The following CEP128 variants were observed in gnomAD, a reference collection of about 807,000 sequenced individuals.
CEP128 encodes the protein centrosomal protein 128kDa.
A neutral mutation model predicts 156.7 loss-of-function variants in CEP128; 132 were observed. The ratio of observed to expected loss-of-function variants is 0.84; its 90% CI spans 0.73 to 0.97. The LOEUF (loss-of-function observed/expected upper bound fraction) is 0.97. Among genes scored for constraint, CEP128 ranks in the 50% least tolerant of loss-of-function variants. CEP128 has a pLI of 0.00. For synonymous variants in CEP128, 469 were observed against 448.9 expected, an observed-to-expected ratio of 1.04 and a Z score of -0.57; for missense variants, 1,252 against 1,281.9, an observed-to-expected ratio of 0.98 and a Z score of 0.36.
rs568068066 is a variant in CEP128, at chr14:80,946,860, G to A, written c.-171-7320C>T. ...AATTGCAATCCCTAATGTTGGGGGT[G>A]GGACGTGGTGGGAGGTGATTGGATC... On this transcript the variant is annotated intron_variant, in intron 2 of 7. Transcript: ENST00000555529. 2.6e-4 allele frequency among the ~76,000 whole-genome samples: 40 copies of A among 152,318 alleles called. 1 individual carries two copies. Among genetic ancestry groups the A allele is most frequent in the Admixed American group, 2.1e-3 (32 of 15,300 alleles).
At chr14:80,912,699 A>C (rs1884316404) in intron 4 of CEP128, among the ~76,000 whole-genome samples, 1 of 152,118 alleles carries the variant, frequency 6.6e-6, no homozygotes, top group African/African-American at 2.4e-5. Context: ...ATGAGAGAAG[A>C]TATGTTTCCC....
chr14:80,875,418 GTCA>G (rs944679441), intron 8 of CEP128, among the ~76,000 whole-genome samples: 3 of 152,206 alleles, frequency 2.0e-5, no homozygotes, highest in Admixed American at 6.5e-5. Flanking sequence ...TACGCTTTCT[GTCA>G]TCAAACAAAA....
chr14:80,503,212 A>G (rs1471833835), intron 24 of CEP128, among the ~76,000 whole-genome samples: 1 of 152,186 alleles, frequency 6.6e-6, no homozygotes, highest in African/African-American at 2.4e-5. Flanking sequence ...GTTAGATTTT[A>G]CAATGTAAAC....
chr14:80,790,683 A>T (rs1452513118), intron 14 of CEP128, among the ~76,000 whole-genome samples: 1 of 152,164 alleles, frequency 6.6e-6, no homozygotes, highest in Non-Finnish European at 1.5e-5. Context: ...AAGATTCCAG[A>T]AATGTAAAAA....
chr14:80,815,846 G>A (rs531487567), intron 13 of CEP128, among the ~76,000 whole-genome samples: 12 of 152,276 alleles, frequency 7.9e-5, no homozygotes, highest in Admixed American at 2.6e-4. Flanking sequence ...CAAATACTGC[G>A]TGTTCTCATT....
intron 19 of CEP128, among the ~76,000 whole-genome samples, chr14:80,604,211 C>T (rs1892691503): frequency 6.6e-6 from 1 of 152,116 alleles, no homozygotes; most frequent in Non-Finnish European, 1.5e-5. Flanking sequence ...TGTTCAAAGA[C>T]ATCCTCTGAC....
intron 19 of CEP128, among the ~76,000 whole-genome samples, chr14:80,619,437 T>C (rs559235294): frequency 1.3e-5 from 2 of 149,034 alleles, no homozygotes; most frequent in South Asian, 4.3e-4. Flanking sequence ...TGGTGGCTGA[T>C]GTCTGTAATC....
chr14:80,811,818 T>TTTAGATAGATAGATAGA (rs146742493), intron 13 of CEP128, among the ~76,000 whole-genome samples: 142 of 149,632 alleles, frequency 9.5e-4, no homozygotes, highest in South Asian at 1.9e-3. Context: ...CACGCATGTA[T>TTTAGATAGATAGATAGA]TAGATAGATA....
chr14:80,545,118 G>T (rs996728202), intron 21 of CEP128, among the ~76,000 whole-genome samples: 1 of 152,138 alleles, frequency 6.6e-6, no homozygotes, highest in Admixed American at 6.5e-5. Context: ...TCTCCTCCCT[G>T]TGAGCCTACT....
At chr14:80,931,460 C>T (rs1319874047) in intron 2 of CEP128, among the ~76,000 whole-genome samples, 2 of 152,192 alleles carry the variant, frequency 1.3e-5, no homozygotes, top group Admixed American at 6.5e-5. Flanking sequence ...TCTTGCAGCT[C>T]TGTGAGGAGA....
chr14:80,921,565 T>C (rs1488859283), intron 2 of CEP128, among the ~76,000 whole-genome samples: 4 of 152,068 alleles, frequency 2.6e-5, no homozygotes, highest in Admixed American at 2.6e-4. Flanking sequence ...AGACAACCAA[T>C]ATATAAATTT....
At chr14:80,941,213 G>T (rs939092941) in intron 1 of CEP128, among the ~76,000 whole-genome samples, 1 of 152,178 alleles carries the variant, frequency 6.6e-6, no homozygotes, top group Non-Finnish European at 1.5e-5. Context: ...TGCAGGACAG[G>T]CAAGCAAATG....
intron 23 of CEP128, among the ~76,000 whole-genome samples, chr14:80,518,069 G>C (rs7160179): frequency 0.69 from 103,243 of 149,658 alleles, 40,525 homozygotes; most frequent in East Asian, 0.86. Flanking sequence ...AGATTCAATA[G>C]AGTGAAAACA....
At position 80,862,766 on chromosome 14, in the gene CEP128, CTGCA is replaced by C; in HGVS notation, c.749_752del (p.Leu250ArgfsTer6). ...AGTGTTTTTCACAAACCTCCTGTAGCTGCAGGGACATGAGTCCCAGTTGATCCTG... is the reference window on the plus strand; with the variant it reads ...AGTGTTTTTCACAAACCTCCTGTAGCGGGACATGAGTCCCAGTTGATCCTG... On this transcript the variant is annotated frameshift_variant, in exon 9 of 25. Transcript: ENST00000555265. LOFTEE classifies it high-confidence loss of function. The C allele has an allele frequency of 6.2e-7, 1 of 1,605,504 alleles. No individual in the cohort carries two copies. The highest frequency in any genetic ancestry group is 8.5e-7 in the Non-Finnish European group (1 of 1,172,260).
intron 12 of CEP128, among the ~76,000 whole-genome samples, chr14:80,835,034 C>A (rs1393095621): frequency 2.0e-5 from 3 of 152,106 alleles, no homozygotes; most frequent in Admixed American, 2.0e-4. Context: ...GGAGTGAGTT[C>A]TTGCTCTCCT....
intron 14 of CEP128, 123 bp from the exon 15 acceptor site, chr14:80,785,668 T>C: frequency 8.5e-6 from 6 of 702,788 alleles, no homozygotes; most frequent in East Asian, 2.9e-5. Flanking sequence ...CATCAAATAA[T>C]TTTTGTATTT....
At chr14:80,532,244 A>C (rs564902044) in intron 21 of CEP128, among the ~76,000 whole-genome samples, 1 of 152,218 alleles carries the variant, frequency 6.6e-6, no homozygotes, top group African/African-American at 2.4e-5. Flanking sequence ...TCCAGGCTAG[A>C]GTGCAAAGGC....
chr14:80,905,022 G>A, intron 5 of CEP128, 91 bp from the exon 6 acceptor site: 4 of 768,572 alleles, frequency 5.2e-6, no homozygotes, highest in Non-Finnish European at 9.4e-6. Context: ...GGCAGACATG[G>A]ATATACATAT....
intron 19 of CEP128, among the ~76,000 whole-genome samples, chr14:80,590,496 C>A (rs1391806766): frequency 6.6e-6 from 1 of 151,792 alleles, no homozygotes; most frequent in Non-Finnish European, 1.5e-5. Flanking sequence ...AATCCTATAT[C>A]TAGTGAAAAT....
Sources: allele counts gnomAD v4.1 joint callset (sites outside exome capture counted in the v4.1 genomes callset), GRCh38; gene constraint gnomAD v4.1.1; transcripts MANE v1.5; gene names NCBI Gene and HGNC (gene_info 2026-07-23, HGNC 2026-07-21).